Variants in DOK6 observed in about 807,000 individuals in gnomAD.
DOK6 encodes the protein downstream of tyrosine kinase 6.
In DOK6, 22 loss-of-function variants were observed where a neutral mutation model predicts 44.0. That is an observed-to-expected ratio of 0.50 (90% CI 0.36 to 0.71). The LOEUF is 0.71. Ranked by LOEUF, DOK6 falls within the 30% of genes least tolerant of loss-of-function variation. The pLI, the probability that DOK6 is intolerant of heterozygous loss-of-function variation, is 0.00. For missense variants in DOK6, 340 were observed against 416.4 expected, an observed-to-expected ratio of 0.82 and a Z score of 1.60; for synonymous variants, 166 against 145.5, an observed-to-expected ratio of 1.14 and a Z score of -1.01.
At chr18:69,511,660 T>G (rs78679166) in intron 1 of DOK6, among the ~76,000 whole-genome samples, 8,544 of 152,312 alleles carry the variant, frequency 0.056, 276 homozygotes, top group Admixed American at 0.1. Flanking sequence ...TTTTCATTTA[T>G]TGATCTCCTT....
intron 2 of DOK6, among the ~76,000 whole-genome samples, chr18:69,596,646 C>T (rs1054533417): frequency 2.6e-5 from 4 of 151,984 alleles, no homozygotes; most frequent in East Asian, 3.9e-4. Flanking sequence ...TCAAAAAATA[C>T]GATGAAATAA....
chr18:69,805,295 G>C (rs180942740), intron 7 of DOK6, among the ~76,000 whole-genome samples: 1 of 152,234 alleles, frequency 6.6e-6, no homozygotes. Flanking sequence ...GTATAGGTTG[G>C]TTTTATTTCA....
intron 1 of DOK6, among the ~76,000 whole-genome samples, chr18:69,524,681 T>C (rs561288642): frequency 6.6e-6 from 1 of 152,148 alleles, no homozygotes; most frequent in Non-Finnish European, 1.5e-5. Flanking sequence ...AATAGAAATG[T>C]AATGAAAAAC....
chr18:69,692,786 A>G (rs1431014124), intron 4 of DOK6, among the ~76,000 whole-genome samples: 1 of 152,264 alleles, frequency 6.6e-6, no homozygotes, highest in Non-Finnish European at 1.5e-5. Context: ...AAAAATATGT[A>G]AACAAATTAT....
chr18:69,624,622 G>T (rs1208651259), intron 3 of DOK6, among the ~76,000 whole-genome samples: 3 of 152,106 alleles, frequency 2.0e-5, no homozygotes, highest in Non-Finnish European at 4.4e-5. Flanking sequence ...GATGTATCAT[G>T]AGAGTATTAC....
chr18:69,605,724 A>G (rs932860309), intron 3 of DOK6, among the ~76,000 whole-genome samples: 2 of 152,186 alleles, frequency 1.3e-5, no homozygotes, highest in Non-Finnish European at 2.9e-5. Flanking sequence ...AAAATAAAAA[A>G]TAGATGGGAA....
chr18:69,846,540 T>C lies in DOK6; in HGVS notation c.*5157T>C, dbSNP rs1219150853. ...AGAGAGGTGTTATGGGGCAATTCAT[T>C]AGATTTCTGGTAGGTCATGAATGGT... On this transcript the variant is annotated 3_prime_UTR_variant, in exon 8 of 8. Coordinates refer to ENST00000382713, the MANE Select transcript of DOK6 (RefSeq NM_152721.6). 6.6e-6 allele frequency: 1 copy of C among 152,242 alleles called. No homozygotes were observed. Among genetic ancestry groups the C allele is most frequent in the African/African-American group, 2.4e-5 (1 of 41,462 alleles). The allele number at this position is 152,242 out of a possible 1,614,324, so 9.4% of individuals were successfully genotyped here.
At chr18:69,768,609 C>T (rs926462050) in intron 7 of DOK6, among the ~76,000 whole-genome samples, 1 of 149,004 alleles carries the variant, frequency 6.7e-6, no homozygotes, top group African/African-American at 2.5e-5. Flanking sequence ...CCTTTATTTT[C>T]CTCTGCGGGC....
At position 69,498,079 on chromosome 18, in the gene DOK6, CA is replaced by C. The variant is rs1257908238; in HGVS notation, c.67-66402del. 2.6e-5 allele frequency among the ~76,000 whole-genome samples: 4 copies of C among 152,048 alleles called. No homozygotes were observed. The East Asian group carries it at 7.7e-4, about 29-fold the overall frequency. On this transcript the variant is annotated intron_variant, in intron 1 of 7. Transcript: ENST00000382713. ...ACAAATACACACACACACAGACACA[CA>C]AAAAATGAATACTTGTGTGACTCTT...
At chr18:69,717,872 C>G (rs1225591102) in intron 5 of DOK6, among the ~76,000 whole-genome samples, 1 of 152,174 alleles carries the variant, frequency 6.6e-6, no homozygotes, top group African/African-American at 2.4e-5. Context: ...TTTACTATCT[C>G]TAGGACTTGA....
chr18:69,533,693 A>G (rs1982045874), intron 1 of DOK6, among the ~76,000 whole-genome samples: 1 of 152,112 alleles, frequency 6.6e-6, no homozygotes, highest in Non-Finnish European at 1.5e-5. Flanking sequence ...GTAAGTTTAG[A>G]GTTTTAGTAG....
At chr18:69,799,904 A>G (rs1980852765) in intron 7 of DOK6, among the ~76,000 whole-genome samples, 1 of 152,116 alleles carries the variant, frequency 6.6e-6, no homozygotes, top group Non-Finnish European at 1.5e-5. Flanking sequence ...AAGCCATTTG[A>G]CTTTAATATA....
intron 1 of DOK6, among the ~76,000 whole-genome samples, chr18:69,494,478 AAAAC>A (rs143504460): frequency 0.45 from 68,028 of 151,300 alleles, 15,664 homozygotes; most frequent in African/African-American, 0.49. Context: ...TCTGTCTCAA[AAAAC>A]AAACAAACAA....
intron 1 of DOK6, among the ~76,000 whole-genome samples, chr18:69,414,116 A>G (rs754322139): frequency 6.6e-6 from 1 of 152,100 alleles, no homozygotes; most frequent in East Asian, 1.9e-4. Context: ...GAGAAGCTGG[A>G]TAGCTGGGTC....
chr18:69,532,843 CAA>C, intron 1 of DOK6: 1 of 152,132 alleles, frequency 6.6e-6, no homozygotes, highest in Middle Eastern at 3.4e-3. Flanking sequence ...GCCTGGGTGA[CAA>C]AGTGAGACCC....
chr18:69,671,594 A>G (rs1383633112), intron 3 of DOK6, among the ~76,000 whole-genome samples: 1 of 152,204 alleles, frequency 6.6e-6, no homozygotes, highest in Non-Finnish European at 1.5e-5. Context: ...TGAATAGATG[A>G]TATTTTATCA....
chr18:69,835,617 C>A (rs1982032678), intron 7 of DOK6, among the ~76,000 whole-genome samples: 1 of 152,190 alleles, frequency 6.6e-6, no homozygotes, highest in African/African-American at 2.4e-5. Flanking sequence ...ACATCTGCAG[C>A]CTGCCCGCTC....
intron 7 of DOK6, among the ~76,000 whole-genome samples, chr18:69,763,758 T>G (rs1222106113): frequency 8.5e-5 from 13 of 152,090 alleles, no homozygotes; most frequent in Non-Finnish European, 1.6e-4. Flanking sequence ...TACAGCAGGG[T>G]TTTTAAGTCA....
intron 2 of DOK6, among the ~76,000 whole-genome samples, chr18:69,573,769 A>T (rs1379136013): frequency 6.6e-6 from 1 of 151,814 alleles, no homozygotes; most frequent in Non-Finnish European, 1.5e-5. Context: ...TAGTTCAATG[A>T]TTCTGATTTC....
Sources: gnomAD v4.1 joint callset for allele counts (sites outside exome capture counted in the v4.1 genomes callset) on GRCh38, gnomAD v4.1.1 for gene constraint, MANE v1.5 for transcripts, NCBI Gene and HGNC (gene_info 2026-07-23, HGNC 2026-07-21) for gene names.